Variants in TARBP1 observed in about 807,000 individuals in gnomAD.
TARBP1 encodes tRNA guanosine 2 -O-methyltransferase TARBP1.
A neutral mutation model predicts 178.6 loss-of-function variants in TARBP1; 144 were observed. That is an observed-to-expected ratio of 0.81 (90% CI 0.70 to 0.93). The LOEUF is 0.93. Ranked by LOEUF, TARBP1 falls within the 40% of genes least tolerant of loss-of-function variation. The pLI is 0.00. For missense variants in TARBP1, 2,067 were observed against 2,011.7 expected (o/e 1.03, Z -0.53); for synonymous variants, 787 against 781.0 (o/e 1.01, Z -0.13).
intron 1 of TARBP1, among the ~76,000 whole-genome samples, chr1:234,475,267 C>T (rs1311875709): frequency 1.3e-5 from 2 of 152,176 alleles, no homozygotes; most frequent in East Asian, 3.9e-4. Flanking sequence ...CGTGCCTGTC[C>T]CCCTGGACCC....
At chr1:234,424,652 A>G (rs1333818373) in intron 20 of TARBP1, among the ~76,000 whole-genome samples, 1 of 152,202 alleles carries the variant, frequency 6.6e-6, no homozygotes, top group African/African-American at 2.4e-5. Context: ...GGGGCCAAGC[A>G]CAGTAGCTCA....
intron 22 of TARBP1, 34 bp from the exon 23 acceptor site, chr1:234,410,565 C>CA (rs752702801): frequency 3.8e-5 from 51 of 1,331,570 alleles, no homozygotes; most frequent in Admixed American, 1.9e-4. Context: ...AATATTGATT[C>CA]AAAGCTTACT....
chr1:234,398,397 A>G lies in TARBP1; in HGVS notation c.4228T>C (p.Ser1410Pro), dbSNP rs1413899813. 2.5e-6 allele frequency: 4 copies of G among 1,606,644 alleles called. No individual in the cohort carries two copies. Among genetic ancestry groups the G allele is most frequent in the Non-Finnish European group, 3.4e-6 (4 of 1,175,664 alleles). The change falls in exon 26 of 30, where the codon TCT becomes CCT. Residue 1410 changes from serine to proline, a missense_variant. Coordinates refer to ENST00000040877, the MANE Select transcript of TARBP1 (RefSeq NM_005646.4). ...TATTTTTTACCTATGTCTTGCTGAG[A>G]CCAGTCACCTGGTTTTAGTTTACTA... ...QLSKLKPGDW[S>P]QQDIGTNLVE...
chr1:234,457,608 A>T, intron 9 of TARBP1, 59 bp downstream of exon 9: 1 of 1,224,544 alleles, frequency 8.2e-7, no homozygotes, highest in Non-Finnish European at 1.1e-6. Flanking sequence ...TAAGAAATTC[A>T]TTAAGAAAAC....
At chr1:234,466,349 T>C (rs763152563) in intron 4 of TARBP1, among the ~76,000 whole-genome samples, 13 of 151,722 alleles carry the variant, frequency 8.6e-5, no homozygotes, top group Non-Finnish European at 1.8e-4. Flanking sequence ...CTGTCTCTAC[T>C]AAAATTACAA....
At chr1:234,413,094 G>C (rs1662026692) in intron 22 of TARBP1, among the ~76,000 whole-genome samples, 1 of 152,164 alleles carries the variant, frequency 6.6e-6, no homozygotes, top group African/African-American at 2.4e-5. Flanking sequence ...GCGATGCCTA[G>C]CCACCAGAGC....
chr1:234,429,548 T>C lies in TARBP1; in HGVS notation c.2739A>G (p.Glu913=). 1 of 1,614,146 alleles carries C rather than the reference T, an allele frequency of 6.2e-7. No homozygotes were observed. The highest frequency in any genetic ancestry group is 8.5e-7 in the Non-Finnish European group (1 of 1,180,026). Residue 913 remains glutamate, a synonymous_variant, in exon 16 of 30, where the codon GAA becomes GAG. Coordinates refer to ENST00000040877, the MANE Select transcript of TARBP1 (RefSeq NM_005646.4). The stretch of plus-strand genomic sequence containing the variant: ...CGGCAGGTAGAAACGGTTCCAGAAT[T>C]TCACTCCCTGTGGTTGGTATAAGGG... ...YHTLIPTTGS[E]ILEPFLPAVQ... is the part of the protein sequence containing the mutation.
chr1:234,476,806 G>A (rs1042684175), intron 1 of TARBP1, among the ~76,000 whole-genome samples: 1 of 152,158 alleles, frequency 6.6e-6, no homozygotes, highest in Non-Finnish European at 1.5e-5. Context: ...CTAATATTCC[G>A]TTAAGAGGCC....
At chr1:234,460,595 C>T (rs1667754454) in intron 6 of TARBP1, among the ~76,000 whole-genome samples, 199 bp from the exon 7 acceptor site, 1 of 152,134 alleles carries the variant, frequency 6.6e-6, no homozygotes, top group Non-Finnish European at 1.5e-5. Flanking sequence ...TCACACAATG[C>T]TGGTGGGAAT....
chr1:234,407,836 T>C (rs1661419303), intron 23 of TARBP1: 1 of 152,212 alleles, frequency 6.6e-6, no homozygotes, highest in South Asian at 2.1e-4. Context: ...CTCTACAAGA[T>C]GCTCCAGGCT....
In TARBP1 at chr1:234,478,585, G is replaced by C. The variant is rs1187483704; in HGVS notation, c.519C>G (p.Gly173=). The change falls in exon 1 of 30, where the codon GGC becomes GGG. Residue 173 remains glycine, a synonymous_variant. Coordinates refer to ENST00000040877, the MANE Select transcript of TARBP1 (RefSeq NM_005646.4). The part of the protein sequence containing the change: ...VAGTAVALAL[G]GGGDGDEAGP... ...CGGCCTCATCCCCGTCCCCGCCCCC[G>C]CCCAGCGCCAGGGCGACGGCGGTCC... The C allele has an allele frequency of 5.4e-6, 7 of 1,293,104 alleles. No individual in the cohort carries two copies. Among genetic ancestry groups the C allele is most frequent in the Non-Finnish European group, 6.8e-6 (7 of 1,023,228 alleles). The allele number at this position is 1,293,104 out of a possible 1,614,324, so 80.1% of individuals were successfully genotyped here.
chr1:234,446,065 TAAGC>T (rs1666143398), intron 12 of TARBP1, among the ~76,000 whole-genome samples: 1 of 148,654 alleles, frequency 6.7e-6, no homozygotes, highest in African/African-American at 2.5e-5. Flanking sequence ...TTATATTTCA[TAAGC>T]ATATATGAAA....
chr1:234,478,575 C>A lies in TARBP1; in HGVS notation c.529G>T (p.Asp177Tyr). The change falls in exon 1 of 30, where the codon GAC becomes TAC. Residue 177 changes from aspartate (D) to tyrosine (Y), a missense_variant. By Grantham distance (160) the Asp-to-Tyr change is radical. Coordinates refer to ENST00000040877, the MANE Select transcript of TARBP1 (RefSeq NM_005646.4). ...AVALALGGGG[D>Y]GDEAGPAEDA... ...TCGGCAGGCCCGGCCTCATCCCCGT[C>A]CCCGCCCCCGCCCAGCGCCAGGGCG... The A allele has an allele frequency of 7.8e-7, 1 of 1,287,996 alleles. No homozygotes were observed. The highest frequency in any genetic ancestry group is 9.8e-7 in the Non-Finnish European group (1 of 1,020,880). 79.8% of individuals were successfully genotyped at this position (1,287,996 alleles called of 1,614,324 possible).
chr1:234,439,798 C>T (rs1261252885), intron 12 of TARBP1, among the ~76,000 whole-genome samples: 1 of 152,086 alleles, frequency 6.6e-6, no homozygotes, highest in Non-Finnish European at 1.5e-5. Flanking sequence ...TGCACTCCAG[C>T]CTGGGCAACA....
chr1:234,437,972 A>C (rs1427768513), intron 12 of TARBP1, among the ~76,000 whole-genome samples: 1 of 152,196 alleles, frequency 6.6e-6, no homozygotes. Context: ...CACACCACAG[A>C]CTTTCAGGAC....
At chr1:234,439,721 T>G (rs1665400967) in intron 12 of TARBP1, among the ~76,000 whole-genome samples, 1 of 152,010 alleles carries the variant, frequency 6.6e-6, no homozygotes, top group African/African-American at 2.4e-5. Context: ...AGCTACTCGG[T>G]AAACTGAGGC....
rs746736989 is a variant in TARBP1, at chr1:234,446,979, G to C, written c.1962-4C>G. Reference sequence around the variant, plus strand: ...ATTCTCTGTTCTCTGCTTTCCGCTAGACATTAAAAGACATGCCAAAATCAA... The same window carrying C: ...ATTCTCTGTTCTCTGCTTTCCGCTACACATTAAAAGACATGCCAAAATCAA... On this transcript the variant is annotated splice_region_variant and splice_polypyrimidine_tract_variant and intron_variant, in intron 11 of 29. Coordinates refer to ENST00000040877, the MANE Select transcript of TARBP1 (RefSeq NM_005646.4). 8.1e-6 allele frequency: 13 copies of C among 1,610,832 alleles called. No individual in the cohort carries two copies. The highest frequency in any genetic ancestry group is 1.1e-5 in the Non-Finnish European group (13 of 1,178,614).
chr1:234,441,510 C>A (rs947477993), intron 12 of TARBP1, among the ~76,000 whole-genome samples: 1 of 152,192 alleles, frequency 6.6e-6, no homozygotes, highest in African/African-American at 2.4e-5. Context: ...ATTACATCAA[C>A]ACAAATACAG....
intron 25 of TARBP1, among the ~76,000 whole-genome samples, chr1:234,400,053 C>CAAATAAAAAA (rs748345592): frequency 1.4e-5 from 2 of 142,158 alleles, no homozygotes; most frequent in Admixed American, 7.0e-5. Context: ...AAAATAAAAA[C>CAAATAAAAAA]AAAAAAAAAA....
Sources: allele counts gnomAD v4.1 joint callset (sites outside exome capture counted in the v4.1 genomes callset), GRCh38; gene constraint gnomAD v4.1.1; transcripts MANE v1.5; gene names NCBI Gene and HGNC (gene_info 2026-07-23, HGNC 2026-07-21).